SLC2A9: variants seen among roughly 807,000 people sequenced by gnomAD.
The protein encoded by SLC2A9 is solute carrier family 2 member 9.
In SLC2A9, 39 loss-of-function variants were observed where a neutral mutation model predicts 50.6. The observed-to-expected ratio is 0.77, with a 90% confidence interval of 0.60 to 1.01. The LOEUF is 1.01. SLC2A9 is among the 50% of genes least tolerant of loss of function. The pLI, the probability that SLC2A9 is intolerant of heterozygous loss-of-function variation, is 0.00. For synonymous variants in SLC2A9, 324 were observed against 276.9 expected (o/e 1.17, Z -1.69); for missense variants, 686 against 677.6 (o/e 1.01, Z -0.14).
At chr4:9,938,266 T>C (rs531738505) in intron 6 of SLC2A9, among the ~76,000 whole-genome samples, 1 of 141,580 alleles carries the variant, frequency 7.1e-6, no homozygotes, top group Admixed American at 7.8e-5. Flanking sequence ...AATGATCTTT[T>C]GCTATTTTTT....
At chr4:9,891,194 A>G (rs1159136718) in intron 8 of SLC2A9, among the ~76,000 whole-genome samples, 1 of 152,234 alleles carries the variant, frequency 6.6e-6, no homozygotes, top group Non-Finnish European at 1.5e-5. Flanking sequence ...AGTCAATTTC[A>G]TTGTGGGATG....
chr4:9,833,397 A>T (rs184988464), intron 11 of SLC2A9, among the ~76,000 whole-genome samples: 2 of 152,340 alleles, frequency 1.3e-5, no homozygotes, highest in Admixed American at 1.3e-4. Context: ...GAAGTTGAGC[A>T]CAAGGTGGTG....
At chr4:9,786,428 A>G (rs1719226335) in intron 3 of SLC2A9, among the ~76,000 whole-genome samples, 3 of 152,206 alleles carry the variant, frequency 2.0e-5, no homozygotes, top group Admixed American at 2.0e-4. Flanking sequence ...GCACTAGTGC[A>G]CAGATCAGGA....
intron 5 of SLC2A9, among the ~76,000 whole-genome samples, chr4:9,971,054 C>T (rs370356253): frequency 6.6e-6 from 1 of 152,112 alleles, no homozygotes; most frequent in South Asian, 2.1e-4. Context: ...TGTTGTGAGC[C>T]CCTAAAAAGG....
chr4:9,846,646 G>A (rs1165525148), intron 10 of SLC2A9, among the ~76,000 whole-genome samples: 1 of 152,184 alleles, frequency 6.6e-6, no homozygotes, highest in Admixed American at 6.5e-5. Flanking sequence ...AACCTTGATA[G>A]TGCTTACTTG....
upstream of SLC2A9, among the ~76,000 whole-genome samples, chr4:10,025,038 T>C (rs1481453677): frequency 6.6e-6 from 1 of 152,236 alleles, no homozygotes; most frequent in Non-Finnish European, 1.5e-5. Flanking sequence ...ACTGCACCCT[T>C]ATCCTCCATT....
intron 5 of SLC2A9, among the ~76,000 whole-genome samples, chr4:9,959,237 C>T (rs973999990): frequency 1.4e-5 from 2 of 144,474 alleles, no homozygotes; most frequent in Admixed American, 6.9e-5. Flanking sequence ...AAAAAAAATA[C>T]AAAAATTAGC....
chr4:9,867,051 G>A (rs750185236), intron 10 of SLC2A9, among the ~76,000 whole-genome samples: 9 of 152,190 alleles, frequency 5.9e-5, no homozygotes, highest in South Asian at 2.1e-4. Flanking sequence ...TTTTGTCAGC[G>A]TGAATCTTGC....
downstream of SLC2A9, among the ~76,000 whole-genome samples, chr4:9,795,706 G>T (rs557081842): frequency 1.3e-5 from 2 of 152,316 alleles, no homozygotes; most frequent in African/African-American, 2.4e-5. Context: ...AAAGTCAACA[G>T]GAAAGGATGC....
chr4:9,966,613 C>G (rs1257138376), intron 5 of SLC2A9, among the ~76,000 whole-genome samples: 2 of 43,258 alleles, frequency 4.6e-5, no homozygotes, highest in Non-Finnish European at 9.0e-5. Flanking sequence ...AGGTCGAGCC[C>G]TGCACTCCAG....
In SLC2A9 at chr4:9,800,148, C is replaced by T. The variant is rs145157843; in HGVS notation, n.421-907G>A. Among the ~76,000 whole-genome samples the T allele has an allele frequency of 2.9e-3, 444 of 152,220 alleles. 5 individuals are homozygous for T. Among genetic ancestry groups the T allele is most frequent in the African/African-American group, 0.01 (425 of 41,524 alleles). ...CCAGGAAAGGGCCTGCCTCAGTATC[C>T]CTGCCAAGCTCAGTTACTGGCTAGA... On this transcript the variant is annotated intron_variant and non_coding_transcript_variant, in intron 3 of 3. Coordinates refer to the SLC2A9 transcript ENST00000503280.
chr4:10,033,338 G>A (rs1281572399), intron 1 of SLC2A9, among the ~76,000 whole-genome samples: 1 of 152,116 alleles, frequency 6.6e-6, no homozygotes, highest in East Asian at 1.9e-4. Context: ...CTCCCAGGCG[G>A]CTTCCTTCTG....
rs143546488 is a variant in SLC2A9 at position 9,966,531 on chromosome 4, C to CT, written c.681+14060dup. ...ATTAGCCAGGTGTGGTGGTGGATGC[C>CT]TGTAGTCCCAGCTACTCGAGCGGCT... On this transcript the variant is annotated intron_variant, in intron 5 of 11. Transcript: ENST00000264784. 9.5e-3 allele frequency among the ~76,000 whole-genome samples: 1,453 copies of CT among 152,198 alleles called. 28 individuals carry two copies. Among genetic ancestry groups the CT allele is most frequent in the African/African-American group, 0.034 (1,396 of 41,524 alleles).
At chr4:10,033,243 G>T (rs922772823) in intron 1 of SLC2A9, among the ~76,000 whole-genome samples, 3 of 152,218 alleles carry the variant, frequency 2.0e-5, no homozygotes, top group Non-Finnish European at 4.4e-5. Context: ...GGATAAGTAA[G>T]TTAGAGCTTC....
At chr4:9,911,327 G>A (rs1395783193) in intron 7 of SLC2A9, among the ~76,000 whole-genome samples, 1 of 152,032 alleles carries the variant, frequency 6.6e-6, no homozygotes, top group Non-Finnish European at 1.5e-5. Flanking sequence ...GTCTTAATCT[G>A]TTTGTGACAC....
chr4:9,905,340 C>G (rs1740467544), intron 8 of SLC2A9, among the ~76,000 whole-genome samples: 1 of 152,246 alleles, frequency 6.6e-6, no homozygotes, highest in African/African-American at 2.4e-5. Flanking sequence ...GGCACCATGG[C>G]AAAGGCCCTC....
At chr4:9,782,147 C>G (rs1422275927) in intron 3 of SLC2A9, 1 of 1,575,392 alleles carries the variant, frequency 6.3e-7, no homozygotes, top group Non-Finnish European at 8.6e-7. Context: ...GGGGCCCTCA[C>G]AGGTGGTCAC....
At chr4:9,779,613 AC>A (rs1430189357), downstream of SLC2A9, among the ~76,000 whole-genome samples, 3 of 151,718 alleles carry the variant, frequency 2.0e-5, no homozygotes, top group Non-Finnish European at 4.4e-5. Context: ...AGGGAGTTTC[AC>A]CATGTTAGCC....
chr4:9,835,199 G>A (rs1302774705), intron 10 of SLC2A9, among the ~76,000 whole-genome samples, 191 bp from the exon 11 acceptor site: 2 of 152,090 alleles, frequency 1.3e-5, no homozygotes, highest in East Asian at 1.9e-4. Flanking sequence ...AGACTGTCCT[G>A]TGCAATTGCA....
Sources: allele counts gnomAD v4.1 joint callset (sites outside exome capture counted in the v4.1 genomes callset), GRCh38; gene constraint gnomAD v4.1.1; transcripts MANE v1.5; gene names NCBI Gene and HGNC (gene_info 2026-07-23, HGNC 2026-07-21).